FGF18: variants seen among roughly 807,000 people sequenced by gnomAD.
FGF18 encodes the protein fibroblast growth factor 18.
A neutral mutation model predicts 23.0 loss-of-function variants in FGF18; 5 were observed. That is an observed-to-expected ratio of 0.22 (90% CI 0.11 to 0.46). FGF18 has a LOEUF of 0.46. FGF18 is among the 20% of genes least tolerant of loss of function. The pLI, the probability that FGF18 is intolerant of heterozygous loss-of-function variation, is 0.99. For missense variants in FGF18, 180 were observed against 291.6 expected, an observed-to-expected ratio of 0.62 and a Z score of 2.79; for synonymous variants, 117 against 118.9, an observed-to-expected ratio of 0.98 and a Z score of 0.10.
At chr5:171,441,541 A>T (rs1341966220) in intron 3 of FGF18, among the ~76,000 whole-genome samples, 1 of 151,876 alleles carries the variant, frequency 6.6e-6, no homozygotes, top group Non-Finnish European at 1.5e-5. Context: ...TCCCTCACCC[A>T]CCCAGGCTTC....
At chr5:171,435,958 T>C in intron 2 of FGF18, 135 bp from the exon 3 acceptor site, 1 of 616,046 alleles carries the variant, frequency 1.6e-6, no homozygotes. Flanking sequence ...AGGGGGTGGT[T>C]ATCAGTGTGT....
rs540407713 is a variant in FGF18 at position 171,426,524 on chromosome 5, C to T, written c.69+6081C>T. Among the ~76,000 whole-genome samples the T allele has an allele frequency of 2.6e-5, 4 of 152,296 alleles. No homozygotes were observed. The South Asian group carries it at 6.2e-4, about 24-fold the overall frequency. On this transcript the variant is annotated intron_variant, in intron 2 of 4. Transcript: ENST00000274625. ...CTGAAACTGCAGCAGGTCAGGAGGC[C>T]CCGTGGGCTTTGGTCCGGCTTGCTA...
chr5:171,454,680 G>T (rs576220790), intron 4 of FGF18, among the ~76,000 whole-genome samples: 5 of 152,220 alleles, frequency 3.3e-5, no homozygotes, highest in Non-Finnish European at 1.5e-5. Context: ...GCTCCAGCCT[G>T]TTTTCCACTT....
intron 4 of FGF18, among the ~76,000 whole-genome samples, chr5:171,452,560 GT>G (rs562611197): frequency 2.0e-5 from 3 of 152,296 alleles, no homozygotes; most frequent in African/African-American, 7.2e-5. Context: ...TGGAACCCAT[GT>G]CACCTGGCCC....
chr5:171,449,845 G>A (rs1442108454), intron 4 of FGF18, among the ~76,000 whole-genome samples: 1 of 151,396 alleles, frequency 6.6e-6, no homozygotes, highest in East Asian at 1.9e-4. Context: ...GTGCAGGTTG[G>A]GGGGACCCTC....
chr5:171,430,843 TATA>T (rs1416286963), intron 2 of FGF18, among the ~76,000 whole-genome samples: 1 of 148,956 alleles, frequency 6.7e-6, no homozygotes, highest in African/African-American at 2.5e-5. Context: ...TTGTTACTAA[TATA>T]ATCTTTTTCT....
chr5:171,431,796 C>T (rs1057508428), intron 2 of FGF18, among the ~76,000 whole-genome samples: 1 of 152,150 alleles, frequency 6.6e-6, no homozygotes, highest in East Asian at 1.9e-4. Flanking sequence ...CGGTGGCTCA[C>T]ACCTGTAATC....
Position 171,456,270 on chromosome 5 carries a change from CAA to C in FGF18, c.358-267_358-266del, listed in dbSNP as rs897304200. ...TCTGGTCACCCTGGCCTGTCCTCAG[CAA>C]AGTCTCTGTTAGGTGGCTTTAGCCA... On this transcript the variant is annotated intron_variant, in intron 4 of 4. Transcript: ENST00000274625. The surrounding 1 kb of genome is among the most constrained non-coding windows in gnomAD (Gnocchi z 6.1). 6.6e-6 allele frequency among the ~76,000 whole-genome samples: 1 copy of C among 152,206 alleles called. No homozygotes were observed. The highest frequency in any genetic ancestry group is 2.4e-5 in the African/African-American group (1 of 41,444).
At chr5:171,446,687 C>T (rs1418172787) in intron 3 of FGF18, among the ~76,000 whole-genome samples, 1 of 152,136 alleles carries the variant, frequency 6.6e-6, no homozygotes, top group Non-Finnish European at 1.5e-5. Flanking sequence ...CTGCTAGACC[C>T]CACTTCCTAA....
At chr5:171,423,074 T>C (rs976056985) in intron 2 of FGF18, among the ~76,000 whole-genome samples, 1 of 152,176 alleles carries the variant, frequency 6.6e-6, no homozygotes, top group African/African-American at 2.4e-5. Flanking sequence ...CGGTGGAGTT[T>C]CTGGGCCCCT....
chr5:171,434,211 G>A lies in FGF18; in HGVS notation c.70-1882G>A, dbSNP rs1228108582. Among the ~76,000 whole-genome samples, 1 of 152,206 alleles carries A rather than the reference G, an allele frequency of 6.6e-6. No individual in the cohort carries two copies. Among genetic ancestry groups the A allele is most frequent in the Non-Finnish European group, 1.5e-5 (1 of 68,036 alleles). On this transcript the variant is annotated intron_variant, in intron 2 of 4. Transcript: ENST00000274625. This position sits in a 1 kb window ranked among gnomAD's most constrained non-coding sequence, Gnocchi z 4.6. ...GGTCACAAGGCCTGGGGTTAATTCT[G>A]CATTACTGCTCTGGGGCCTTGTCAG... is the stretch of plus-strand genomic sequence containing the variant.
In FGF18 at chr5:171,420,053, A is replaced by C; in HGVS notation, c.-147A>C. 1.9e-6 allele frequency: 1 copy of C among 517,328 alleles called. No homozygotes were observed. Among genetic ancestry groups the C allele is most frequent in the Non-Finnish European group, 2.9e-6 (1 of 348,356 alleles). The allele number at this position is 517,328 out of a possible 1,614,324, so 32.0% of individuals were successfully genotyped here. ...GCGCCGCGGAGCGCCCCGGAGCAGC[A>C]GAGTCTGCAGCAGCAGCAGCCGGCG... On this transcript the variant is annotated 5_prime_UTR_variant, in exon 1 of 5. Coordinates refer to ENST00000274625, the MANE Select transcript of FGF18 (RefSeq NM_003862.3).
intron 3 of FGF18, among the ~76,000 whole-genome samples, chr5:171,439,953 A>T (rs1159445794): frequency 6.6e-6 from 1 of 152,218 alleles, no homozygotes; most frequent in Non-Finnish European, 1.5e-5. Context: ...GACAGTGCCC[A>T]GAATAACCCT....
In FGF18 at chr5:171,453,657, C is replaced by A. The variant is rs553347636; in HGVS notation, c.358-2882C>A. Among the ~76,000 whole-genome samples the A allele has an allele frequency of 7.9e-5, 12 of 152,240 alleles. No homozygotes were observed. In the East Asian group the frequency reaches 1.9e-3, roughly 25 times the overall value. Reference sequence around the variant, plus strand: ...CTGAGCTCTGCTTTCTTCTACCAAGCAGAGCTGAAGAAGAGGATGAAATGC... The same window carrying A: ...CTGAGCTCTGCTTTCTTCTACCAAGAAGAGCTGAAGAAGAGGATGAAATGC... On this transcript the variant is annotated intron_variant, in intron 4 of 4. Transcript: ENST00000274625.
chr5:171,437,200 G>A (rs923319013), intron 3 of FGF18, among the ~76,000 whole-genome samples: 3 of 152,218 alleles, frequency 2.0e-5, no homozygotes, highest in Non-Finnish European at 2.9e-5. Context: ...CTGCCAGCCT[G>A]AGCGTTTTTG....
intron 3 of FGF18, among the ~76,000 whole-genome samples, chr5:171,448,501 T>C (rs1364927372): frequency 6.6e-6 from 1 of 152,172 alleles, no homozygotes; most frequent in African/African-American, 2.4e-5. Context: ...CTTGACGTCC[T>C]GAAAGGCAGG....
At position 171,436,161 on chromosome 5, in the gene FGF18, T is replaced by C. The variant is rs750630422; in HGVS notation, c.138T>C (p.Asp46=). ...HVENQTRARD[D]VSRKQLRLYQ... ...AGAACCAGACGCGGGCTCGGGACGA[T>C]GTGAGCCGTAAGCAGCTGCGGCTGT... The change falls in exon 3 of 5, where the codon GAT becomes GAC. Residue 46 remains aspartate (D), a synonymous_variant. Coordinates refer to ENST00000274625, the MANE Select transcript of FGF18 (RefSeq NM_003862.3). This position sits in a 1 kb window ranked among gnomAD's most constrained non-coding sequence, Gnocchi z 4.4. 4.4e-6 allele frequency: 7 copies of C among 1,604,522 alleles called. 1 individual carries two copies. In the South Asian group the frequency reaches 6.7e-5, roughly 15 times the overall value.
intron 3 of FGF18, 126 bp from the exon 4 acceptor site, chr5:171,449,021 C>T: frequency 1.4e-6 from 1 of 706,578 alleles, no homozygotes; most frequent in Non-Finnish European, 2.6e-6. Context: ...TGTTAGGCCT[C>T]CCCATGCCTG....
At position 171,436,763 on chromosome 5, in the gene FGF18, T is replaced by C. The variant is rs1005375856; in HGVS notation, c.250+490T>C. On this transcript the variant is annotated intron_variant, in intron 3 of 4. Coordinates refer to ENST00000274625, the MANE Select transcript of FGF18 (RefSeq NM_003862.3). The surrounding 1 kb of genome is among the most constrained non-coding windows in gnomAD (Gnocchi z 4.4). ...TGATATGTGGCACTCATTAACACCT[T>C]GGGCCATGGTCCTGTTGACCTGCCC... Among the ~76,000 whole-genome samples the C allele has an allele frequency of 3.3e-5, 5 of 152,232 alleles. No homozygotes were observed. The highest frequency in any genetic ancestry group is 5.9e-5 in the Non-Finnish European group (4 of 68,032).
Sources: gnomAD v4.1 joint callset for allele counts (sites outside exome capture counted in the v4.1 genomes callset) on GRCh38, gnomAD v4.1.1 for gene constraint, Gnocchi (gnomAD v3.1) non-coding constraint, MANE v1.5 for transcripts, NCBI Gene and HGNC (gene_info 2026-07-23, HGNC 2026-07-21) for gene names.